Variants in FAAH2 observed in about 807,000 individuals in gnomAD.
FAAH2 encodes fatty-acid amide hydrolase 2.
A neutral mutation model predicts 36.9 loss-of-function variants in FAAH2; 60 were observed. That is an observed-to-expected ratio of 1.63 (90% CI 1.32 to 2.02). The LOEUF is 2.02. Among genes scored for constraint, FAAH2 ranks in the 30% most tolerant of loss-of-function variants. The probability of loss-of-function intolerance (pLI) is 0.00; values close to 1 mark genes in which losing one functional copy is unlikely to be tolerated. For synonymous variants in FAAH2, 214 were observed against 143.8 expected (o/e 1.49, Z -3.49); for missense variants, 689 against 397.5 (o/e 1.73, Z -6.23).
intron 7 of FAAH2, among the ~76,000 whole-genome samples, chrX:57,410,966 G>A (rs186802159): frequency 1.8e-5 from 2 of 111,469 alleles, no homozygotes; most frequent in East Asian, 2.8e-4. Context: ...CTTTATTTTG[G>A]TCCTTCAATT....
chrX:57,221,602 G>A, the FAAH2 span, among the ~76,000 whole-genome samples: 1 of 111,366 alleles, frequency 9.0e-6, no homozygotes, highest in Admixed American at 9.5e-5. Flanking sequence ...TTATCACTTA[G>A]TCTAGGACCT....
At chrX:57,429,187 A>T (rs986932114) in intron 7 of FAAH2, among the ~76,000 whole-genome samples, 1 of 109,590 alleles carries the variant, frequency 9.1e-6, no homozygotes, top group Non-Finnish European at 1.9e-5. Flanking sequence ...TACAAAAAAA[A>T]AATTAGCTGG....
the FAAH2 span, among the ~76,000 whole-genome samples, chrX:57,279,530 A>G: frequency 9.0e-6 from 1 of 111,519 alleles, no homozygotes; most frequent in African/African-American, 3.3e-5. Context: ...GCAGCAAACC[A>G]CCAAGGCACG....
chrX:57,401,847 C>T (rs1341474574), intron 7 of FAAH2, among the ~76,000 whole-genome samples: 1 of 111,200 alleles, frequency 9.0e-6, no homozygotes, highest in Non-Finnish European at 1.9e-5. Context: ...TATAGTGGCC[C>T]CTGCTTTTGC....
At chrX:57,175,058 G>A in the FAAH2 span, among the ~76,000 whole-genome samples, 5 of 111,512 alleles carry the variant, frequency 4.5e-5, no homozygotes, top group African/African-American at 1.6e-4. Context: ...CAGTTCTTGG[G>A]AAAATATTCT....
At chrX:57,133,526 G>A in the FAAH2 span, among the ~76,000 whole-genome samples, 2 of 111,012 alleles carry the variant, frequency 1.8e-5, no homozygotes, top group East Asian at 5.7e-4. Context: ...GAGGGTATTC[G>A]GAGTCTAAAC....
intron 8 of FAAH2, among the ~76,000 whole-genome samples, chrX:57,436,501 G>T (rs1046967983): frequency 9.2e-6 from 1 of 109,036 alleles, no homozygotes; most frequent in African/African-American, 3.3e-5. Flanking sequence ...ATGAAAAAAA[G>T]AGAGATTACA....
chrX:57,289,975 T>G (rs1286161308), intron 1 of FAAH2, among the ~76,000 whole-genome samples: 1 of 111,241 alleles, frequency 9.0e-6, no homozygotes, highest in Non-Finnish European at 1.9e-5. Flanking sequence ...GACAGCAAGG[T>G]TCATTTGGAA....
In FAAH2 at chrX:57,337,364, C is replaced by A. The variant is rs751599956; in HGVS notation, c.623-3907C>A. Among the ~76,000 whole-genome samples the A allele has an allele frequency of 1.2e-4, 13 of 109,371 alleles. No individual in the cohort carries two copies. The East Asian group carries it at 3.7e-3, about 31-fold the overall frequency. The allele number at this position is 109,371 out of a possible 115,157, so 95.0% of individuals were successfully genotyped here. On this transcript the variant is annotated intron_variant, in intron 4 of 10. Coordinates refer to ENST00000374900, the MANE Select transcript of FAAH2 (RefSeq NM_174912.4). ...TGATACCATTTCTACTGAAATTATT[C>A]CAAAAAATTGAAAAAGAGGGATTTT...
chrX:57,413,241 T>C (rs1310749533), intron 7 of FAAH2, among the ~76,000 whole-genome samples: 1 of 112,441 alleles, frequency 8.9e-6, no homozygotes, highest in Non-Finnish European at 1.9e-5. Flanking sequence ...ATTCCATTTG[T>C]CAATTTTGGC....
the FAAH2 span, among the ~76,000 whole-genome samples, chrX:57,260,398 C>T: frequency 6.3e-5 from 7 of 111,998 alleles, no homozygotes; most frequent in Admixed American, 6.7e-4. Flanking sequence ...CCTAAACATA[C>T]ATCAGCTACA....
the FAAH2 span, among the ~76,000 whole-genome samples, chrX:57,188,024 C>CT: frequency 5.4e-5 from 6 of 111,273 alleles, no homozygotes; most frequent in Non-Finnish European, 1.1e-4. Flanking sequence ...TGAAATTTTC[C>CT]TTTTTTATTG....
At chrX:57,201,538 C>T in the FAAH2 span, among the ~76,000 whole-genome samples, 1 of 111,142 alleles carries the variant, frequency 9.0e-6, no homozygotes, top group Non-Finnish European at 1.9e-5. Context: ...TATTCTTGAC[C>T]TTTAGGAACT....
At chrX:57,286,444 T>C (rs185131729), upstream of FAAH2, among the ~76,000 whole-genome samples, 1 of 111,936 alleles carries the variant, frequency 8.9e-6, no homozygotes, top group East Asian at 2.8e-4. Context: ...AACCCTTTGA[T>C]ATAGGAGTAG....
At chrX:57,233,312 C>T in the FAAH2 span, among the ~76,000 whole-genome samples, 3 of 111,667 alleles carry the variant, frequency 2.7e-5, no homozygotes, top group East Asian at 5.6e-4. Context: ...GCAAAATACC[C>T]GCCATGAGCT....
the FAAH2 span, among the ~76,000 whole-genome samples, chrX:57,190,459 A>T: frequency 9.2e-6 from 1 of 108,880 alleles, no homozygotes; most frequent in South Asian, 4.0e-4. Context: ...AAAAAAAAAA[A>T]AAAACTTCTG....
intron 5 of FAAH2, among the ~76,000 whole-genome samples, chrX:57,367,978 A>C (rs775644759): frequency 3.6e-5 from 4 of 111,847 alleles, no homozygotes; most frequent in Admixed American, 2.8e-4. Context: ...TGTCTTGCTC[A>C]TGAGGGCAAT....
chrX:57,376,196 T>C (rs2054672040), intron 5 of FAAH2, among the ~76,000 whole-genome samples: 1 of 111,416 alleles, frequency 9.0e-6, no homozygotes, highest in Non-Finnish European at 1.9e-5. Context: ...TTTTTGTTTT[T>C]TTCTCCCTTT....
chrX:57,244,938 T>G, the FAAH2 span, among the ~76,000 whole-genome samples: 2 of 110,928 alleles, frequency 1.8e-5, no homozygotes, highest in African/African-American at 6.6e-5. Context: ...CACTGGCAAA[T>G]TGGATAAAGA....
Sources: allele counts gnomAD v4.1 joint callset (sites outside exome capture counted in the v4.1 genomes callset), GRCh38; gene constraint gnomAD v4.1.1; transcripts MANE v1.5; gene names NCBI Gene and HGNC (gene_info 2026-07-23, HGNC 2026-07-21).